The following TMCC1 variants were observed in gnomAD, a reference collection of about 807,000 sequenced individuals.
TMCC1 encodes the protein transmembrane and coiled-coil domain family 1, also known as transmembrane and coiled-coil domains protein 1.
In TMCC1, 15 loss-of-function variants were observed where a neutral mutation model predicts 52.4. The observed-to-expected ratio is 0.29, with a 90% confidence interval of 0.19 to 0.44. The LOEUF (loss-of-function observed/expected upper bound fraction) is 0.44. Ranked by LOEUF, TMCC1 falls within the 20% of genes least tolerant of loss-of-function variation. The pLI, the probability that TMCC1 is intolerant of heterozygous loss-of-function variation, is 1.00. For synonymous variants in TMCC1, 279 were observed against 301.9 expected, an observed-to-expected ratio of 0.92 and a Z score of 0.79; for missense variants, 503 against 806.0, an observed-to-expected ratio of 0.62 and a Z score of 4.55.
intron 4 of TMCC1, among the ~76,000 whole-genome samples, chr3:129,760,866 C>G (rs988716569): frequency 1.3e-5 from 2 of 151,888 alleles, no homozygotes; most frequent in Non-Finnish European, 2.9e-5. Context: ...CCCACCTCAG[C>G]CTCCCAAAGT....
intron 4 of TMCC1, among the ~76,000 whole-genome samples, chr3:129,692,105 A>G (rs1429959253): frequency 2.6e-5 from 4 of 152,248 alleles, no homozygotes; most frequent in African/African-American, 4.8e-5. Flanking sequence ...AGAGTTAACT[A>G]TAATACTATA....
chr3:129,851,999 A>G (rs192571304), intron 2 of TMCC1, among the ~76,000 whole-genome samples: 85 of 152,164 alleles, frequency 5.6e-4, no homozygotes, highest in African/African-American at 2.0e-3. Flanking sequence ...AAAATTCAAA[A>G]AAAATTAGCC....
chr3:129,847,564 T>A (rs546423278), intron 2 of TMCC1: 1 of 152,344 alleles, frequency 6.6e-6, no homozygotes, highest in East Asian at 1.9e-4. Context: ...AATTTGTTTA[T>A]CCATACACTT....
intron 4 of TMCC1, among the ~76,000 whole-genome samples, chr3:129,798,561 G>GGTGTGAAACAAGTGGT (rs2056998439): frequency 6.6e-6 from 1 of 150,942 alleles, no homozygotes; most frequent in Non-Finnish European, 1.5e-5. Flanking sequence ...AGGAGACAGG[G>GGTGTGAAACAAGTGGT]GTGTGAAACA....
At chr3:129,679,619 T>C (rs1234594185) in intron 4 of TMCC1, among the ~76,000 whole-genome samples, 1 of 152,196 alleles carries the variant, frequency 6.6e-6, no homozygotes, top group Non-Finnish European at 1.5e-5. Flanking sequence ...TATTTAAAAT[T>C]GCAAATTTTG....
intron 4 of TMCC1, among the ~76,000 whole-genome samples, chr3:129,792,935 G>A (rs968851526): frequency 6.6e-6 from 1 of 152,098 alleles, no homozygotes; most frequent in African/African-American, 2.4e-5. Flanking sequence ...AAAAATAATT[G>A]GGAGAGAAGT....
At position 129,766,186 on chromosome 3, in the gene TMCC1, C is replaced by A. The variant is rs115667223; in HGVS notation, c.576+61617G>T. On this transcript the variant is annotated intron_variant, in intron 4 of 6. Transcript: ENST00000393238. ...CTAACTTGTGTGTAAATGGCAAAAGCAAGTCAGAATAATTTCTCCCCTAAT... is the reference window on the plus strand; with the variant it reads ...CTAACTTGTGTGTAAATGGCAAAAGAAAGTCAGAATAATTTCTCCCCTAAT... Among the ~76,000 whole-genome samples the A allele has an allele frequency of 4.6e-3, 694 of 152,290 alleles. 8 individuals are homozygous for A. The highest frequency in any genetic ancestry group is 0.016 in the African/African-American group (660 of 41,562).
At chr3:129,838,053 T>C (rs2107858089) in intron 2 of TMCC1, among the ~76,000 whole-genome samples, 1 of 152,238 alleles carries the variant, frequency 6.6e-6, no homozygotes, top group Admixed American at 6.5e-5. Flanking sequence ...GAAGAAACAT[T>C]TGAATGGCCA....
intron 4 of TMCC1, among the ~76,000 whole-genome samples, chr3:129,744,082 T>C (rs2051703597): frequency 6.6e-6 from 1 of 152,216 alleles, no homozygotes; most frequent in Non-Finnish European, 1.5e-5. Context: ...TTCTGACTGA[T>C]ATTGTGTTCC....
At chr3:129,696,025 G>T (rs996129285) in intron 4 of TMCC1, among the ~76,000 whole-genome samples, 1 of 152,148 alleles carries the variant, frequency 6.6e-6, no homozygotes, top group Non-Finnish European at 1.5e-5. Context: ...AAATGGCCTT[G>T]CAAGGCCATG....
At chr3:129,690,281 C>G (rs2046932339) in intron 4 of TMCC1, among the ~76,000 whole-genome samples, 1 of 152,064 alleles carries the variant, frequency 6.6e-6, no homozygotes, top group South Asian at 2.1e-4. Context: ...AGTAATATAT[C>G]TGATGTGGGC....
intron 4 of TMCC1, among the ~76,000 whole-genome samples, chr3:129,781,025 TAC>T (rs1466620369): frequency 3.9e-5 from 6 of 152,206 alleles, no homozygotes; most frequent in Admixed American, 1.3e-4. Flanking sequence ...CAGATACAGA[TAC>T]AGTTTCATCC....
At chr3:129,672,828 A>G (rs888162284) in intron 4 of TMCC1, among the ~76,000 whole-genome samples, 3 of 152,190 alleles carry the variant, frequency 2.0e-5, no homozygotes, top group Admixed American at 2.0e-4. Flanking sequence ...ACCAAGTTTG[A>G]AATATTTATG....
chr3:129,781,214 C>A (rs1397501014), intron 4 of TMCC1, among the ~76,000 whole-genome samples: 2 of 152,152 alleles, frequency 1.3e-5, no homozygotes, highest in African/African-American at 2.4e-5. Context: ...CCATCAAACA[C>A]CTCCATTCAT....
chr3:129,816,530 G>A (rs2058105426), intron 4 of TMCC1, among the ~76,000 whole-genome samples: 1 of 152,104 alleles, frequency 6.6e-6, no homozygotes, highest in African/African-American at 2.4e-5. Context: ...CTAAAAAATA[G>A]TGGATCTCAT....
chr3:129,754,364 A>G (rs1576696366), intron 4 of TMCC1, among the ~76,000 whole-genome samples: 1 of 152,228 alleles, frequency 6.6e-6, no homozygotes, highest in East Asian at 1.9e-4. Flanking sequence ...ATACATATAT[A>G]AAGTTATTCT....
At chr3:129,778,733 T>C (rs1444808255) in intron 4 of TMCC1, among the ~76,000 whole-genome samples, 1 of 151,664 alleles carries the variant, frequency 6.6e-6, no homozygotes, top group Non-Finnish European at 1.5e-5. Context: ...CAAAATCTGA[T>C]GGTTTTATAT....
At chr3:129,878,970 T>C (rs1352198703) in intron 2 of TMCC1, among the ~76,000 whole-genome samples, 2 of 152,210 alleles carry the variant, frequency 1.3e-5, no homozygotes, top group Admixed American at 1.3e-4. Flanking sequence ...TCTTCTCATA[T>C]ATGTGTATGG....
At chr3:129,714,057 T>C (rs6773305) in intron 4 of TMCC1, among the ~76,000 whole-genome samples, 14,033 of 152,118 alleles carry the variant, frequency 0.092, 2,108 homozygotes, top group African/African-American at 0.32. Context: ...CAACTGATAA[T>C]TGTAAAATAG....
Sources: gnomAD v4.1 joint callset for allele counts (sites outside exome capture counted in the v4.1 genomes callset) on GRCh38, gnomAD v4.1.1 for gene constraint, MANE v1.5 for transcripts, NCBI Gene and HGNC (gene_info 2026-07-23, HGNC 2026-07-21) for gene names.